Variants in TCF25 observed in about 807,000 individuals in gnomAD.
The protein encoded by TCF25 is TCF25 ribosome quality control complex subunit.
A neutral mutation model predicts 83.1 loss-of-function variants in TCF25; 41 were observed. That is an observed-to-expected ratio of 0.49 (90% CI 0.38 to 0.64). The LOEUF is 0.64. Among genes scored for constraint, TCF25 ranks in the 30% least tolerant of loss-of-function variants. The probability of loss-of-function intolerance (pLI) is 0.00; values close to 1 mark genes in which losing one functional copy is unlikely to be tolerated. For missense variants in TCF25, 979 were observed against 914.5 expected (o/e 1.07, Z -0.91); for synonymous variants, 458 against 365.0 (o/e 1.25, Z -2.90).
chr16:89,906,719 C>G (rs991416399), intron 15 of TCF25, among the ~76,000 whole-genome samples: 2 of 152,086 alleles, frequency 1.3e-5, no homozygotes, highest in Non-Finnish European at 2.9e-5. Context: ...GTCAGAGGGT[C>G]GCAGGACCGT....
intron 12 of TCF25, among the ~76,000 whole-genome samples, chr16:89,903,223 C>A (rs1255611466): frequency 1.3e-5 from 2 of 152,242 alleles, no homozygotes; most frequent in South Asian, 2.1e-4. Context: ...CTGCCACTTA[C>A]CCCAGAACAC....
chr16:89,874,004 G>C (rs2041955715), intron 1 of TCF25, 145 bp downstream of exon 1: 2 of 1,085,424 alleles, frequency 1.8e-6, no homozygotes, highest in Admixed American at 6.5e-5. Flanking sequence ...GGGAGGGCGG[G>C]GCCGTGCGTC....
At chr16:89,881,173 C>T (rs576286315) in intron 1 of TCF25, among the ~76,000 whole-genome samples, 5 of 152,316 alleles carry the variant, frequency 3.3e-5, no homozygotes, top group Admixed American at 6.5e-5. Context: ...GCCGACTGAC[C>T]GGCAAGCACA....
In TCF25 at chr16:89,895,033, G is replaced by A; in HGVS notation, c.829-5G>A. 6.2e-7 allele frequency: 1 copy of A among 1,612,344 alleles called. No homozygotes were observed. The highest frequency in any genetic ancestry group is 8.5e-7 in the Non-Finnish European group (1 of 1,179,036). On this transcript the variant is annotated splice_polypyrimidine_tract_variant and splice_region_variant and intron_variant, in intron 7 of 17. Transcript: ENST00000263346. ...TTCCTCCAGGGCTGTCCTCCCTTCTGGTAGGTTCTGCTCCAGACGAGCCCT... is the reference window on the plus strand; with the variant it reads ...TTCCTCCAGGGCTGTCCTCCCTTCTAGTAGGTTCTGCTCCAGACGAGCCCT...
intron 7 of TCF25, among the ~76,000 whole-genome samples, chr16:89,894,368 G>A (rs1269793686): frequency 6.6e-6 from 1 of 151,254 alleles, no homozygotes; most frequent in Admixed American, 6.6e-5. Context: ...GCCCCGGACG[G>A]CCCCCGCGCA....
chr16:89,881,901 C>T (rs1011009574), intron 1 of TCF25, among the ~76,000 whole-genome samples: 6 of 152,072 alleles, frequency 3.9e-5, no homozygotes, highest in African/African-American at 7.2e-5. Flanking sequence ...ATTACAGGCA[C>T]GCGCCACTGC....
At chr16:89,877,216 T>A (rs1260089988) in intron 1 of TCF25, among the ~76,000 whole-genome samples, 1 of 152,090 alleles carries the variant, frequency 6.6e-6, no homozygotes, top group Non-Finnish European at 1.5e-5. Context: ...GTGTTTTGGT[T>A]TTTTGGAGAC....
At chr16:89,886,676 T>C (rs1274818871) in intron 4 of TCF25, among the ~76,000 whole-genome samples, 3 of 146,976 alleles carry the variant, frequency 2.0e-5, no homozygotes, top group Non-Finnish European at 4.5e-5. Context: ...GCCAGAAAAT[T>C]GCTTGAACCT....
At chr16:89,900,188 C>T (rs546165432) in intron 11 of TCF25, among the ~76,000 whole-genome samples, 1 of 144,814 alleles carries the variant, frequency 6.9e-6, no homozygotes, top group South Asian at 2.2e-4. Context: ...CTGAGAAAGG[C>T]AAGAGAAACT....
Position 89,887,655 on chromosome 16 carries a change from C to T in TCF25, c.552C>T (p.His184=), listed in dbSNP as rs368233923. Residue 184 remains histidine, a synonymous_variant, in exon 5 of 18, where the codon CAC becomes CAT. Coordinates refer to ENST00000263346, the MANE Select transcript of TCF25 (RefSeq NM_014972.3). ...TCTACAATTTTCAATTCCCCAGACACTTGAATCCAGACACAGAACTGAAAA... is the reference window on the plus strand; with the variant it reads ...TCTACAATTTTCAATTCCCCAGACATTTGAATCCAGACACAGAACTGAAAA... ...RKHVLYVEHR[H]LNPDTELKRY... is the part of the protein sequence containing the mutation. 3.1e-6 allele frequency: 5 copies of T among 1,588,480 alleles called. No individual in the cohort carries two copies. Among genetic ancestry groups the T allele is most frequent in the Non-Finnish European group, 3.4e-6 (4 of 1,171,944 alleles).
chr16:89,909,555 G>C (rs922497901), intron 16 of TCF25: 1 of 159,770 alleles, frequency 6.3e-6, no homozygotes, highest in African/African-American at 2.5e-5. Context: ...GGTTGTGCCT[G>C]TAGTCCCAGC....
intron 6 of TCF25, 59 bp downstream of exon 6, chr16:89,892,334 G>A: frequency 6.5e-7 from 1 of 1,545,632 alleles, no homozygotes; most frequent in East Asian, 2.4e-5. Context: ...CTGTGCACTG[G>A]CCCCGGTACA....
chr16:89,875,144 C>T (rs1193115585), intron 1 of TCF25, among the ~76,000 whole-genome samples: 6 of 152,196 alleles, frequency 3.9e-5, no homozygotes, highest in South Asian at 4.1e-4. Context: ...GCATTAGAGG[C>T]ATGAGCCACT....
chr16:89,907,237 C>G lies in TCF25; in HGVS notation c.1720-6C>G. The G allele has an allele frequency of 6.2e-7, 1 of 1,612,714 alleles. No individual in the cohort carries two copies. The highest frequency in any genetic ancestry group is 8.5e-7 in the Non-Finnish European group (1 of 1,179,274). ...TAGCATCTTCGTTTTATGTCCCTTT[C>G]TGAAGGACGTGACCACGCAGTCTGT... On this transcript the variant is annotated splice_region_variant and splice_polypyrimidine_tract_variant and intron_variant, in intron 15 of 17. Transcript: ENST00000263346.
chr16:89,911,279 C>T lies in TCF25; in HGVS notation c.*41C>T, dbSNP rs552160724. On this transcript the variant is annotated 3_prime_UTR_variant, in exon 18 of 18. Coordinates refer to ENST00000263346, the MANE Select transcript of TCF25 (RefSeq NM_014972.3). ...ACCGAAAAGCCGTATGATGATGTTC[C>T]CGATTTCTCTGTTGGTCGGAGTCGG... is the stretch of plus-strand genomic sequence containing the variant. 1.2e-6 allele frequency: 2 copies of T among 1,602,378 alleles called. No individual in the cohort carries two copies. Among genetic ancestry groups the T allele is most frequent in the South Asian group, 2.2e-5 (2 of 90,880 alleles).
chr16:89,885,040 ACGCCCC>A, intron 3 of TCF25, among the ~76,000 whole-genome samples: 2 of 89,260 alleles, frequency 2.2e-5, no homozygotes, highest in African/African-American at 8.8e-5. Context: ...CCTCTGCCTG[ACGCCCC>A]TCTCCCTCTG....
chr16:89,890,426 A>G (rs919899365), intron 5 of TCF25: 4 of 152,212 alleles, frequency 2.6e-5, no homozygotes, highest in Admixed American at 2.6e-4. Flanking sequence ...TCTTACTCGT[A>G]GTCGACGGTA....
At chr16:89,905,185 A>AAGGGCTGTGAGC in intron 14 of TCF25, 89 bp downstream of exon 14, 1 of 1,451,498 alleles carries the variant, frequency 6.9e-7, no homozygotes, top group Non-Finnish European at 9.1e-7. Context: ...GGGAGGCGAG[A>AAGGGCTGTGAGC]AGGGCTGTGA....
chr16:89,885,143 G>T (rs1229779187), intron 3 of TCF25, among the ~76,000 whole-genome samples: 1 of 151,922 alleles, frequency 6.6e-6, no homozygotes, highest in African/African-American at 2.4e-5. Context: ...TTCTCTTCTG[G>T]CTGTTTTCCA....
Sources: gnomAD v4.1 joint callset for allele counts (sites outside exome capture counted in the v4.1 genomes callset) on GRCh38, gnomAD v4.1.1 for gene constraint, MANE v1.5 for transcripts, NCBI Gene and HGNC (gene_info 2026-07-23, HGNC 2026-07-21) for gene names.